Variants in C9orf85 observed in about 807,000 individuals in gnomAD.
C9orf85 encodes the protein chromosome 9 open reading frame 85, also known as uncharacterized protein C9orf85.
C9orf85 carries 16 observed loss-of-function variants against 14.9 expected under a neutral mutation model. That is an observed-to-expected ratio of 1.08 (90% confidence interval 0.73 to 1.63). The LOEUF (loss-of-function observed/expected upper bound fraction) is 1.63, where lower values mean the gene tolerates loss of function less well. Among genes scored for constraint, C9orf85 ranks in the 40% most tolerant of loss-of-function variants. The pLI is 0.00. For missense variants in C9orf85, 172 were observed against 186.1 expected (o/e 0.92, Z 0.44); for synonymous variants, 45 against 56.8 (o/e 0.79, Z 0.93).
chr9:71,982,636 T>A (rs1403531393), intron 3 of C9orf85: 1 of 336,874 alleles, frequency 3.0e-6, no homozygotes, highest in East Asian at 9.9e-5. Context: ...ATATTTCTTT[T>A]TTTTTTTTTT....
chr9:71,947,598 C>T (rs1241650858), intron 2 of C9orf85, among the ~76,000 whole-genome samples: 3 of 151,546 alleles, frequency 2.0e-5, no homozygotes, highest in African/African-American at 4.8e-5. Flanking sequence ...TGAAAAGATA[C>T]TAGATTTTGT....
intron 2 of C9orf85, among the ~76,000 whole-genome samples, chr9:71,960,456 GA>G (rs1822484726): frequency 1.3e-5 from 2 of 152,280 alleles, no homozygotes; most frequent in South Asian, 2.1e-4. Context: ...TAAATGAAAA[GA>G]AAACTAAACT....
At chr9:71,979,036 G>GA (rs929503038) in intron 3 of C9orf85, among the ~76,000 whole-genome samples, 36 of 144,292 alleles carry the variant, frequency 2.5e-4, no homozygotes, top group African/African-American at 6.9e-4. Flanking sequence ...TCCGTCTCAA[G>GA]AAAAAAAAAT....
chr9:71,922,991 G>T (rs570264042), intron 1 of C9orf85, among the ~76,000 whole-genome samples: 2 of 152,188 alleles, frequency 1.3e-5, no homozygotes, highest in Admixed American at 1.3e-4. Flanking sequence ...TTAGCTGGGC[G>T]TGGTGGTGCA....
intron 1 of C9orf85, among the ~76,000 whole-genome samples, chr9:71,943,494 C>G (rs982003550): frequency 2.6e-5 from 4 of 152,042 alleles, no homozygotes; most frequent in African/African-American, 9.7e-5. Context: ...TTTGCTCTTG[C>G]TACCTTCTTG....
At chr9:71,975,889 ACTT>A (rs1253843256), downstream of C9orf85, among the ~76,000 whole-genome samples, 214 of 152,264 alleles carry the variant, frequency 1.4e-3, 2 homozygotes, top group Non-Finnish European at 7.6e-4. Context: ...TTGCATATAA[ACTT>A]CTTTTCTGGA....
Position 71,947,111 on chromosome 9 carries a change from T to C in C9orf85, c.208T>C (p.Cys70Arg). The C allele has an allele frequency of 6.2e-7, 1 of 1,604,166 alleles. No homozygotes were observed. The highest frequency in any genetic ancestry group is 8.5e-7 in the Non-Finnish European group (1 of 1,172,116). ...KYKPLSKPKKCVKCLQKTVKD... is the reference protein window; with the variant it reads ...KYKPLSKPKKRVKCLQKTVKD... ...CAAACCATTATCAAAACCTAAAAAG[T>C]GGTGAGTTAAGATTCTTCATTACCT... Residue 70 changes from cysteine to arginine, a missense_variant and splice_region_variant, in exon 2 of 4, where the codon TGT (cysteine) becomes CGT (arginine). By Grantham distance (180) the Cys-to-Arg change is radical (BLOSUM62 -3). Transcript: ENST00000334731.
At chr9:71,964,627 G>A (rs1045306804) in intron 2 of C9orf85, among the ~76,000 whole-genome samples, 11 of 151,958 alleles carry the variant, frequency 7.2e-5, no homozygotes, top group Admixed American at 6.6e-4. Flanking sequence ...AACATCAGAA[G>A]GAACAAACTC....
chr9:71,915,730 T>G (rs965205921), intron 1 of C9orf85, among the ~76,000 whole-genome samples: 1 of 152,260 alleles, frequency 6.6e-6, no homozygotes, highest in African/African-American at 2.4e-5. Context: ...TAGATATGTC[T>G]GTATGATACA....
chr9:71,985,809 G>A (rs945938600), downstream of C9orf85: 13 of 152,314 alleles, frequency 8.5e-5, no homozygotes, highest in Admixed American at 7.2e-4. Flanking sequence ...CAAGCCACTA[G>A]GTGTTGCTAT....
In C9orf85 at chr9:71,958,243, T is replaced by A. The variant is rs945542613; in HGVS notation, c.209+11131T>A. ...ATATATATATATATTATATATATAT[T>A]TTTTATATTTTTATATATATAAATT... On this transcript the variant is annotated intron_variant, in intron 2 of 3. Coordinates refer to ENST00000334731, the MANE Select transcript of C9orf85 (RefSeq NM_182505.5). Among the ~76,000 whole-genome samples, 14 of 110,150 alleles carry A rather than the reference T, an allele frequency of 1.3e-4. No individual in the cohort carries two copies. The South Asian group carries it at 1.3e-3, about 10-fold the overall frequency. The allele number at this position is 110,150 out of a possible 152,430, so 72.3% of individuals were successfully genotyped here. A position where few individuals can be genotyped will look rare whatever the true frequency, so the allele number is the denominator to read the frequency against.
chr9:71,968,546 A>C (rs1589272372), intron 2 of C9orf85, among the ~76,000 whole-genome samples: 1 of 151,988 alleles, frequency 6.6e-6, no homozygotes, highest in Admixed American at 6.5e-5. Flanking sequence ...AACTTTGGCT[A>C]TTTCTACAGA....
At chr9:71,946,687 G>C (rs1021743243) in intron 1 of C9orf85, among the ~76,000 whole-genome samples, 1 of 151,968 alleles carries the variant, frequency 6.6e-6, no homozygotes, top group African/African-American at 2.4e-5. Flanking sequence ...CAGCTACTCA[G>C]GAGGCTGAGG....
chr9:71,974,407 G>C (rs977501080), downstream of C9orf85, among the ~76,000 whole-genome samples: 1 of 150,576 alleles, frequency 6.6e-6, no homozygotes, highest in Admixed American at 6.6e-5. Context: ...CCACACCTGG[G>C]TAATTTTTGT....
At chr9:71,919,077 GT>G (rs1446142416) in intron 1 of C9orf85, among the ~76,000 whole-genome samples, 1 of 152,072 alleles carries the variant, frequency 6.6e-6, no homozygotes, top group African/African-American at 2.4e-5. Context: ...TTTTTTTCTA[GT>G]TTCAGATAAA....
intron 1 of C9orf85, among the ~76,000 whole-genome samples, chr9:71,932,747 G>T (rs1048042230): frequency 6.6e-6 from 1 of 152,064 alleles, no homozygotes; most frequent in Non-Finnish European, 1.5e-5. Flanking sequence ...AGGAAAATAT[G>T]GCTCATTCAA....
At chr9:71,971,730 T>G in intron 3 of C9orf85, 112 bp downstream of exon 3, 1 of 659,458 alleles carries the variant, frequency 1.5e-6, no homozygotes, top group Non-Finnish European at 2.5e-6. Flanking sequence ...TCCCAGTACT[T>G]TGGGAGGCCA....
rs572592155 is a variant in C9orf85, at chr9:71,947,551, T to G, written c.209+439T>G. ...AAATATTAGAAGTGAATCACTAGAT[T>G]GATAACTTATTATTTCTTTGGGAAT... On this transcript the variant is annotated intron_variant, in intron 2 of 3. Coordinates refer to ENST00000334731, the MANE Select transcript of C9orf85 (RefSeq NM_182505.5). Among the ~76,000 whole-genome samples, 10 of 152,314 alleles carry G rather than the reference T, an allele frequency of 6.6e-5. No individual in the cohort carries two copies. The South Asian group carries it at 2.1e-3, about 32-fold the overall frequency.
At chr9:71,935,749 A>G (rs1016571103) in intron 1 of C9orf85, among the ~76,000 whole-genome samples, 2 of 152,302 alleles carry the variant, frequency 1.3e-5, no homozygotes, top group Non-Finnish European at 1.5e-5. Context: ...GGAAGGGACA[A>G]TGAGAGTTAT....
Sources: gnomAD v4.1 joint callset for allele counts (sites outside exome capture counted in the v4.1 genomes callset) on GRCh38, gnomAD v4.1.1 for gene constraint, MANE v1.5 for transcripts, NCBI Gene and HGNC (gene_info 2026-07-23, HGNC 2026-07-21) for gene names.